Variants in SPG7 observed in about 807,000 individuals in gnomAD.
SPG7 encodes SPG7 matrix AAA peptidase subunit, paraplegin, also known as mitochondrial inner membrane m-AAA protease component paraplegin.
In SPG7, 103 loss-of-function variants were observed where a neutral mutation model predicts 81.9. The observed-to-expected ratio is 1.26, with a 90% CI of 1.07 to 1.48. SPG7 has a LOEUF of 1.48. SPG7 is among the 40% of genes most tolerant of loss of function. The probability of loss-of-function intolerance (pLI) is 0.00; values close to 1 mark genes in which losing one functional copy is unlikely to be tolerated. For synonymous variants in SPG7, 534 were observed against 444.2 expected (o/e 1.20, Z -2.54); for missense variants, 1,241 against 1,087.3 (o/e 1.14, Z -1.99).
intron 9 of SPG7, chr16:89,538,491 G>A (rs989261612): frequency 5.3e-5 from 8 of 151,964 alleles, no homozygotes; most frequent in South Asian, 4.2e-4. Context: ...CCGGGTGGAC[G>A]AGGAGCCCTG....
At chr16:89,523,537 G>A (rs1329011798) in intron 3 of SPG7, 2 of 359,354 alleles carry the variant, frequency 5.6e-6, no homozygotes, top group East Asian at 1.5e-4. Flanking sequence ...CTTGCACTTT[G>A]CAGCAGGAGA....
chr16:89,511,660 G>C (rs543036300), intron 2 of SPG7, among the ~76,000 whole-genome samples: 1 of 152,326 alleles, frequency 6.6e-6, no homozygotes, highest in South Asian at 2.1e-4. Flanking sequence ...CGTTTCACTG[G>C]TGAACCCGTT....
At chr16:89,529,130 C>G (rs1045115487) in intron 5 of SPG7, 12 of 367,816 alleles carry the variant, frequency 3.3e-5, no homozygotes, top group African/African-American at 2.5e-4. Context: ...GCTTTTTACT[C>G]TTAGGCTGAT....
chr16:89,531,077 A>T, intron 7 of SPG7: 1 of 557,686 alleles, frequency 1.8e-6, no homozygotes, highest in South Asian at 2.0e-5. Flanking sequence ...TCCCTTGCAA[A>T]GCTCTGTGCT....
intron 5 of SPG7, chr16:89,526,735 T>C (rs1399921685): frequency 2.4e-5 from 10 of 424,188 alleles, no homozygotes; most frequent in East Asian, 5.3e-5. Context: ...TGTAGGATGC[T>C]GAAGTCTAAG....
intron 9 of SPG7, chr16:89,538,303 C>G (rs1014968400): frequency 1.3e-5 from 2 of 152,244 alleles, no homozygotes; most frequent in Admixed American, 1.3e-4. Flanking sequence ...TCCACTGTCA[C>G]CACTCCATGT....
chr16:89,553,233 A>C, intron 14 of SPG7, 98 bp downstream of exon 14: 3 of 1,214,340 alleles, frequency 2.5e-6, no homozygotes, highest in South Asian at 1.3e-5. Context: ...TCTGGTGTAG[A>C]CGTAGCTTTG....
intron 9 of SPG7, chr16:89,537,077 C>G (rs958278471): frequency 1.9e-6 from 3 of 1,550,506 alleles, no homozygotes; most frequent in Non-Finnish European, 2.6e-6. Flanking sequence ...AGTGCCAGCT[C>G]TAAACAAGTC....
chr16:89,524,273 G>C, intron 4 of SPG7, 26 bp downstream of exon 4: 1 of 1,596,756 alleles, frequency 6.3e-7, no homozygotes, highest in Non-Finnish European at 8.5e-7. Context: ...GGAGGCCTGT[G>C]AGTGAGGGTG....
chr16:89,529,790 T>C, intron 6 of SPG7: 1 of 624,654 alleles, frequency 1.6e-6, no homozygotes, highest in Admixed American at 2.3e-5. Flanking sequence ...CACCCCTAAC[T>C]CTGGGGTGCC....
chr16:89,508,743 C>T (rs1042757058), intron 1 of SPG7, 143 bp downstream of exon 1: 87 of 942,620 alleles, frequency 9.2e-5, no homozygotes, highest in Admixed American at 2.2e-4. Context: ...CAGCTGTGGA[C>T]CTCGGCGCGG....
At chr16:89,541,505 G>A (rs959656842) in intron 9 of SPG7, 8 of 197,594 alleles carry the variant, frequency 4.0e-5, no homozygotes, top group Admixed American at 3.3e-4. Flanking sequence ...TGTGTCTTGA[G>A]GGGAGATGCT....
intron 3 of SPG7, chr16:89,518,859 A>T (rs1249026927): frequency 6.6e-6 from 1 of 152,018 alleles, no homozygotes; most frequent in Non-Finnish European, 1.5e-5. Context: ...GTGTCATGGG[A>T]TGACCCCGGG....
At chr16:89,540,220 C>T (rs778803658) in intron 9 of SPG7, 9 of 152,230 alleles carry the variant, frequency 5.9e-5, no homozygotes, top group Middle Eastern at 3.4e-3. Context: ...TTTTAGAATA[C>T]GCTTGTTCCT....
intron 9 of SPG7, chr16:89,540,191 C>T (rs1377528018): frequency 3.9e-5 from 6 of 152,180 alleles, no homozygotes; most frequent in Non-Finnish European, 7.3e-5. Context: ...TCAGCTATTC[C>T]TTTGCCTTTT....
At chr16:89,549,964 C>T (rs1256538106) in intron 12 of SPG7, 3 of 210,418 alleles carry the variant, frequency 1.4e-5, no homozygotes, top group African/African-American at 4.6e-5. Context: ...GGAGCTATTT[C>T]GATGATTGCA....
intron 13 of SPG7, 170 bp from the exon 14 acceptor site, chr16:89,552,809 C>T: frequency 1.5e-6 from 1 of 676,118 alleles, no homozygotes; most frequent in Non-Finnish European, 2.7e-6. Context: ...GCTGCTGTCT[C>T]TGGGCTGGCC....
At chr16:89,512,361 G>T (rs573947512) in intron 2 of SPG7, among the ~76,000 whole-genome samples, 45 of 152,160 alleles carry the variant, frequency 3.0e-4, no homozygotes, top group African/African-American at 1.1e-3. Flanking sequence ...TGTAAACCAG[G>T]CTGGAGTGCA....
chr16:89,511,242 T>G (rs549471636), intron 2 of SPG7, among the ~76,000 whole-genome samples: 1 of 152,258 alleles, frequency 6.6e-6, no homozygotes, highest in African/African-American at 2.4e-5. Flanking sequence ...TTAGTAAGGA[T>G]TTACAAAGTG....
Sources: allele counts gnomAD v4.1 joint callset (sites outside exome capture counted in the v4.1 genomes callset), GRCh38; gene constraint gnomAD v4.1.1; transcripts MANE v1.5; gene names NCBI Gene and HGNC (gene_info 2026-07-23, HGNC 2026-07-21).